Variants in ASCL3 observed in about 807,000 individuals in gnomAD.
ASCL3 encodes achaete-scute family bHLH transcription factor 3.
In ASCL3, 1 loss-of-function variant was observed where a neutral mutation model predicts 2.3. That is an observed-to-expected ratio of 0.44 (90% confidence interval 0.16 to 2.10). ASCL3 has a LOEUF of 2.10. Among genes scored for constraint, ASCL3 ranks in the 30% most tolerant of loss-of-function variants. ASCL3 has a pLI of 0.28. For missense variants in ASCL3, 243 were observed against 229.0 expected (o/e 1.06, Z -0.40); for synonymous variants, 98 against 88.5 (o/e 1.11, Z -0.60).
chr11:8,938,176 G>A lies in ASCL3; in HGVS notation c.-12-3C>T. On this transcript the variant is annotated splice_polypyrimidine_tract_variant and splice_region_variant and intron_variant, in intron 1 of 1. Coordinates refer to ENST00000531618, the MANE Select transcript of ASCL3 (RefSeq NM_020646.3). ...TTGTCCATCATTTCCTCTTTAACCT[G>A]CAAACATAACCAAGTTTAACAATGT... 6.4e-7 allele frequency: 1 copy of A among 1,567,546 alleles called. No individual in the cohort carries two copies. The highest frequency in any genetic ancestry group is 8.7e-7 in the Non-Finnish European group (1 of 1,155,448).
Position 8,937,991 on chromosome 11 carries a change from A to C in ASCL3, c.171T>G (p.Pro57=), listed in dbSNP as rs375148614. ...SPYSEELPRL[P]FPSDSLILGN... The stretch of plus-strand genomic sequence containing the variant: ...CCAGGATAAGAGAGTCGCTGGGAAA[A>C]GGCAGCCGTGGCAGCTCCTCAGAGT... Residue 57 remains proline, a synonymous_variant, in exon 2 of 2, where the codon CCT becomes CCG. Transcript: ENST00000531618. 6.2e-7 allele frequency: 1 copy of C among 1,613,842 alleles called. No homozygotes were observed. Among genetic ancestry groups the C allele is most frequent in the Non-Finnish European group, 8.5e-7 (1 of 1,179,922 alleles).
intron 1 of ASCL3, among the ~76,000 whole-genome samples, chr11:8,941,794 CA>C (rs1315251034): frequency 6.6e-6 from 1 of 151,966 alleles, no homozygotes; most frequent in African/African-American, 2.4e-5. Flanking sequence ...AGGATTCTGT[CA>C]AAAAGAAAAA....
chr11:8,939,989 A>G (rs2064698457), intron 1 of ASCL3, among the ~76,000 whole-genome samples: 1 of 151,866 alleles, frequency 6.6e-6, no homozygotes, highest in African/African-American at 2.4e-5. Context: ...TTATATTTTT[A>G]TTTTTAGAGG....
intron 1 of ASCL3, among the ~76,000 whole-genome samples, chr11:8,942,344 G>GGAGAATCAA (rs1853711903): frequency 1.3e-5 from 2 of 152,110 alleles, no homozygotes; most frequent in Admixed American, 1.3e-4. Flanking sequence ...GCAGCAACAA[G>GGAGAATCAA]GAGAATCAAG....
In ASCL3 at chr11:8,942,998, G is replaced by A. The variant is rs745439708; in HGVS notation, c.-25C>T. Among the ~76,000 whole-genome samples, 4 of 152,082 alleles carry A rather than the reference G, an allele frequency of 2.6e-5. No individual in the cohort carries two copies. Among genetic ancestry groups the A allele is most frequent in the East Asian group, 1.9e-4 (1 of 5,198 alleles). ...AATAGTCTCTTACCTGAGTTTTGTCGTCAGGATGCTGTATTTTGGGCTGAG... is the reference window on the plus strand; with the variant it reads ...AATAGTCTCTTACCTGAGTTTTGTCATCAGGATGCTGTATTTTGGGCTGAG... On this transcript the variant is annotated 5_prime_UTR_variant, in exon 1 of 2. In the 5' UTR this introduces an upstream ATG that the reference lacks. Transcript: ENST00000531618.
Position 8,938,145 on chromosome 11 carries a change from C to G in ASCL3, c.17G>C (p.Gly6Ala). The change falls in exon 2 of 2, where the codon GGC (glycine) becomes GCC (alanine). Residue 6 changes from glycine (G) to alanine (A), a missense_variant. Physicochemically the swap from Gly to Ala is moderately conservative, Grantham distance 60. Coordinates refer to ENST00000531618, the MANE Select transcript of ASCL3 (RefSeq NM_020646.3). Reference sequence around the variant, plus strand: ...AAGTTTGTCAGGTAGACTAGAGTTGCCTCTGTTGTCCATCATTTCCTCTTT... The same window carrying G: ...AAGTTTGTCAGGTAGACTAGAGTTGGCTCTGTTGTCCATCATTTCCTCTTT... MMDNRGNSSLPDKLPI... is the reference protein window; with the variant it reads MMDNRANSSLPDKLPI... 1 of 1,598,016 alleles carries G rather than the reference C, an allele frequency of 6.3e-7. No individual in the cohort carries two copies. Among genetic ancestry groups the G allele is most frequent in the Non-Finnish European group, 8.5e-7 (1 of 1,171,088 alleles).
intron 1 of ASCL3, among the ~76,000 whole-genome samples, chr11:8,941,776 A>G (rs1387628108): frequency 1.3e-5 from 2 of 152,168 alleles, no homozygotes; most frequent in African/African-American, 2.4e-5. Context: ...GAAAACTAAA[A>G]ACTAGCCAGG....
At chr11:8,939,930 A>G (rs1421201180) in intron 1 of ASCL3, among the ~76,000 whole-genome samples, 1 of 152,172 alleles carries the variant, frequency 6.6e-6, no homozygotes, top group African/African-American at 2.4e-5. Context: ...CTGTAAATAT[A>G]TTGAGTAAAG....
intron 1 of ASCL3, among the ~76,000 whole-genome samples, chr11:8,941,682 A>T (rs1853698711): frequency 6.6e-6 from 1 of 152,152 alleles, no homozygotes; most frequent in South Asian, 2.1e-4. Flanking sequence ...CTCCAATTAA[A>T]AATCGAAACA....
intron 1 of ASCL3, among the ~76,000 whole-genome samples, chr11:8,939,311 T>C (rs1253567895): frequency 3.3e-5 from 5 of 152,064 alleles, no homozygotes. Flanking sequence ...CGATCTCGGC[T>C]CACTGCAACC....
intron 1 of ASCL3, among the ~76,000 whole-genome samples, chr11:8,942,487 T>TG (rs903312271): frequency 6.6e-6 from 1 of 152,084 alleles, no homozygotes; most frequent in African/African-American, 2.4e-5. Flanking sequence ...ACACCTATGT[T>TG]GGGAAAATCT....
chr11:8,939,742 G>A (rs2064697316), intron 1 of ASCL3, among the ~76,000 whole-genome samples: 2 of 152,264 alleles, frequency 1.3e-5, no homozygotes, highest in Non-Finnish European at 2.9e-5. Context: ...TAATGATCAT[G>A]CAACCTCAGA....
At chr11:8,941,180 G>C (rs1387089249) in intron 1 of ASCL3, among the ~76,000 whole-genome samples, 1 of 152,094 alleles carries the variant, frequency 6.6e-6, no homozygotes, top group African/African-American at 2.4e-5. Flanking sequence ...TGAGAGATGA[G>C]GAACATACCT....
At chr11:8,940,141 C>CTTT (rs11298380) in intron 1 of ASCL3, among the ~76,000 whole-genome samples, 1 of 141,098 alleles carries the variant, frequency 7.1e-6, no homozygotes, top group Non-Finnish European at 1.5e-5. Flanking sequence ...CCATGCCTGG[C>CTTT]TTTTTTTTTT....
In ASCL3 at chr11:8,938,141, G is replaced by A; in HGVS notation, c.21C>T (p.Asn7=). Residue 7 remains asparagine (N), a synonymous_variant, in exon 2 of 2, where the codon AAC becomes AAT. Coordinates refer to ENST00000531618, the MANE Select transcript of ASCL3 (RefSeq NM_020646.3). ...TAGGAAGTTTGTCAGGTAGACTAGA[G>A]TTGCCTCTGTTGTCCATCATTTCCT... is the stretch of plus-strand genomic sequence containing the variant. MMDNRG[N]SSLPDKLPIF... 6.2e-7 allele frequency: 1 copy of A among 1,600,584 alleles called. No homozygotes were observed. Among genetic ancestry groups the A allele is most frequent in the East Asian group, 2.2e-5 (1 of 44,644 alleles).
At chr11:8,938,276 G>T in intron 1 of ASCL3, 103 bp from the exon 2 acceptor site, 1 of 1,082,936 alleles carries the variant, frequency 9.2e-7, no homozygotes, top group Non-Finnish European at 1.3e-6. Flanking sequence ...TCGAGATGGA[G>T]TCTGGCTCTG....
At chr11:8,940,177 G>A (rs1853670254) in intron 1 of ASCL3, among the ~76,000 whole-genome samples, 1 of 147,488 alleles carries the variant, frequency 6.8e-6, no homozygotes, top group African/African-American at 2.5e-5. Context: ...GTCTTGCCTT[G>A]ATGCCCAGGC....
chr11:8,940,202 C>G (rs1853670602), intron 1 of ASCL3, among the ~76,000 whole-genome samples: 1 of 107,682 alleles, frequency 9.3e-6, no homozygotes, highest in Non-Finnish European at 2.2e-5. Flanking sequence ...TTTAAACCTC[C>G]TAGCTTCAAA....
chr11:8,937,809 T>A lies in ASCL3; in HGVS notation c.353A>T (p.His118Leu). The stretch of plus-strand genomic sequence containing the variant: ...CTCCAAATACTCCTCTGGCAGATGA[T>A]GGCGGAGCTGGGCGTAGCCTTCATT... Reference protein sequence around the residue: ...CVNEGYAQLRHHLPEEYLEKR... With the variant: ...CVNEGYAQLRLHLPEEYLEKR... Residue 118 changes from histidine (H) to leucine (L), a missense_variant, in exon 2 of 2, where the codon CAT becomes CTT. His to Leu is a moderately conservative substitution (Grantham distance 99). Transcript: ENST00000531618. 1 of 1,614,150 alleles carries A rather than the reference T, an allele frequency of 6.2e-7. No homozygotes were observed. The highest frequency in any genetic ancestry group is 8.5e-7 in the Non-Finnish European group (1 of 1,180,002).
Sources: gnomAD v4.1 joint callset for allele counts (sites outside exome capture counted in the v4.1 genomes callset) on GRCh38, gnomAD v4.1.1 for gene constraint, MANE v1.5 for transcripts, NCBI Gene and HGNC (gene_info 2026-07-23, HGNC 2026-07-21) for gene names.